Variants in PLAGL1 observed in about 807,000 individuals in gnomAD.
PLAGL1 encodes the protein PLAG1 like zinc finger 1, also known as zinc finger protein PLAGL1.
Under a neutral mutation model 4.6 loss-of-function variants are expected in PLAGL1, and 1 was observed. That is an observed-to-expected ratio of 0.22 (90% CI 0.08 to 1.03). PLAGL1 has a LOEUF of 1.03. Ranked by LOEUF, PLAGL1 falls within the 50% of genes least tolerant of loss-of-function variation. The probability of loss-of-function intolerance (pLI) is 0.58; values close to 1 mark genes in which losing one functional copy is unlikely to be tolerated. For synonymous variants in PLAGL1, 240 were observed against 237.8 expected, an observed-to-expected ratio of 1.01 and a Z score of -0.08; for missense variants, 464 against 570.4, an observed-to-expected ratio of 0.81 and a Z score of 1.90.
intron 1 of PLAGL1, among the ~76,000 whole-genome samples, chr6:144,041,888 A>G (rs931514189): frequency 1.3e-5 from 2 of 152,200 alleles, no homozygotes; most frequent in Non-Finnish European, 2.9e-5. Context: ...CTGGTGTGAG[A>G]TGGTATCTCA....
At chr6:143,974,397 C>T (rs768874) in intron 2 of PLAGL1, among the ~76,000 whole-genome samples, 7 of 147,828 alleles carry the variant, frequency 4.7e-5, no homozygotes, top group East Asian at 2.0e-4. Context: ...GGTGGGGTTG[C>T]GGGGGAGGTC....
intron 1 of PLAGL1, among the ~76,000 whole-genome samples, chr6:144,026,662 A>G (rs1416013353): frequency 6.6e-6 from 1 of 152,178 alleles, no homozygotes; most frequent in Non-Finnish European, 1.5e-5. Context: ...GACTTGTCCA[A>G]ATTTCTTTGC....
At chr6:143,956,269 C>T (rs1005053526) in intron 6 of PLAGL1, among the ~76,000 whole-genome samples, 1 of 152,146 alleles carries the variant, frequency 6.6e-6, no homozygotes, top group African/African-American at 2.4e-5. Flanking sequence ...TTCTTTATGG[C>T]AGGCTGCAGC....
chr6:144,024,458 A>G (rs1047594033), intron 1 of PLAGL1, among the ~76,000 whole-genome samples: 1 of 152,182 alleles, frequency 6.6e-6, no homozygotes, highest in African/African-American at 2.4e-5. Context: ...GTGGTAGTGA[A>G]TAAGTCTCAT....
Position 144,036,795 on chromosome 6 carries a change from G to T in PLAGL1, c.-151+27673C>A. ...AAGCAAGAAGGCAGACCTGCTAAAT[G>T]CCCATTATGACACTATTTGACTAAA... is the stretch of plus-strand genomic sequence containing the variant. On this transcript the variant is annotated intron_variant, in intron 1 of 3. Transcript: ENST00000437412. This position sits in a 1 kb window ranked among gnomAD's most constrained non-coding sequence, Gnocchi z 5.1. The T allele has an allele frequency of 2.9e-6, 1 of 339,896 alleles. No individual in the cohort carries two copies. Among genetic ancestry groups the T allele is most frequent in the Non-Finnish European group, 5.6e-6 (1 of 177,738 alleles). The allele number at this position is 339,896 out of a possible 1,614,324, so 21.1% of individuals were successfully genotyped here. A position where few individuals can be genotyped will look rare whatever the true frequency, so the allele number is the denominator to read the frequency against.
In PLAGL1 at chr6:143,954,448, A is replaced by C. The variant is rs1432831616; in HGVS notation, c.-324-5988T>G. Among the ~76,000 whole-genome samples, 1 of 152,252 alleles carries C rather than the reference A, an allele frequency of 6.6e-6. No homozygotes were observed. Among genetic ancestry groups the C allele is most frequent in the Non-Finnish European group, 1.5e-5 (1 of 68,040 alleles). Reference sequence around the variant, plus strand: ...GCAGTGCAAGACCCCAGGGGCTGGGACAGGCATTTGAGTCAAACTTGCAAG... The same window carrying C: ...GCAGTGCAAGACCCCAGGGGCTGGGCCAGGCATTTGAGTCAAACTTGCAAG... On this transcript the variant is annotated intron_variant, in intron 6 of 7. Transcript: ENST00000674357. The surrounding 1 kb of genome is among the most constrained non-coding windows in gnomAD (Gnocchi z 5.1).
Position 143,955,233 on chromosome 6 carries a change from A to G in PLAGL1, c.-325+5236T>C, listed in dbSNP as rs1256344309. 1.3e-5 allele frequency among the ~76,000 whole-genome samples: 2 copies of G among 152,208 alleles called. No individual in the cohort carries two copies. The highest frequency in any genetic ancestry group is 6.5e-5 in the Admixed American group (1 of 15,274). On this transcript the variant is annotated intron_variant, in intron 6 of 7. Coordinates refer to ENST00000674357, the MANE Select transcript of PLAGL1 (RefSeq NM_001317162.2). The surrounding 1 kb of genome is among the most constrained non-coding windows in gnomAD (Gnocchi z 4.9). Reference sequence around the variant, plus strand: ...GTTGAAGCTAGCGTAGAAGTTTACAACGTGTTCAAGAGGGAGGTGGTCTAT... The same window carrying G: ...GTTGAAGCTAGCGTAGAAGTTTACAGCGTGTTCAAGAGGGAGGTGGTCTAT...
chr6:144,018,653 T>C (rs1368168661), intron 1 of PLAGL1, among the ~76,000 whole-genome samples: 1 of 152,170 alleles, frequency 6.6e-6, no homozygotes, highest in East Asian at 1.9e-4. Flanking sequence ...TATTCATCAA[T>C]TTAAAGAAAA....
chr6:143,999,573 T>C (rs953116624), intron 1 of PLAGL1, among the ~76,000 whole-genome samples: 1 of 152,202 alleles, frequency 6.6e-6, no homozygotes, highest in Non-Finnish European at 1.5e-5. Context: ...AAGACTCAGA[T>C]ATAAATCGCT....
At chr6:144,021,440 T>C (rs1795972657) in intron 1 of PLAGL1, among the ~76,000 whole-genome samples, 1 of 152,216 alleles carries the variant, frequency 6.6e-6, no homozygotes, top group Admixed American at 6.5e-5. Context: ...GTGGCAGCTT[T>C]CCTGTTCTGC....
At chr6:144,017,488 T>G (rs1795644977) in intron 1 of PLAGL1, among the ~76,000 whole-genome samples, 1 of 152,242 alleles carries the variant, frequency 6.6e-6, no homozygotes, top group Admixed American at 6.5e-5. Flanking sequence ...CATAGAAGAC[T>G]CACAAGGTGA....
At chr6:143,992,347 A>G (rs934345191) in intron 1 of PLAGL1, among the ~76,000 whole-genome samples, 3 of 152,242 alleles carry the variant, frequency 2.0e-5, no homozygotes, top group Admixed American at 2.0e-4. Flanking sequence ...TGTGTGAAGC[A>G]TAGTCTTCTG....
chr6:144,003,776 T>C (rs1419926380), intron 1 of PLAGL1, among the ~76,000 whole-genome samples: 2 of 152,166 alleles, frequency 1.3e-5, no homozygotes, highest in Non-Finnish European at 2.9e-5. Context: ...GGGCAAAATA[T>C]TTCAATAGGC....
At chr6:144,019,926 A>T (rs1795850491) in intron 1 of PLAGL1, among the ~76,000 whole-genome samples, 1 of 152,172 alleles carries the variant, frequency 6.6e-6, no homozygotes. Context: ...AGGTATGCCT[A>T]ATATTGACCA....
chr6:144,009,754 T>C (rs1795008325), upstream of PLAGL1, among the ~76,000 whole-genome samples: 1 of 151,326 alleles, frequency 6.6e-6, no homozygotes, highest in Non-Finnish European at 1.5e-5. Flanking sequence ...CACTTATGAA[T>C]GAGAACATGC....
Position 144,005,822 on chromosome 6 carries a change from T to C in PLAGL1, c.-584+2268A>G, listed in dbSNP as rs1013601227. On this transcript the variant is annotated intron_variant, in intron 1 of 7. Coordinates refer to ENST00000674357, the MANE Select transcript of PLAGL1 (RefSeq NM_001317162.2). The surrounding 1 kb of genome is among the most constrained non-coding windows in gnomAD (Gnocchi z 4.6). ...AAAATATTAAAGTCATATGAGGCTA[T>C]TGAGCACTAAAAATGTGGCCTGAAA... 7 of 152,042 alleles carry C rather than the reference T, an allele frequency of 4.6e-5. No individual in the cohort carries two copies. Among genetic ancestry groups the C allele is most frequent in the Non-Finnish European group, 5.9e-5 (4 of 67,948 alleles). 9.4% of individuals were successfully genotyped at this position (152,042 alleles called of 1,614,324 possible). A position where few individuals can be genotyped will look rare whatever the true frequency, so the allele number is the denominator to read the frequency against.
rs1237695737 is a variant in PLAGL1 at position 144,061,110 on chromosome 6, AGT to A, written c.-151+3356_-151+3357del. Among the ~76,000 whole-genome samples the A allele has an allele frequency of 2.6e-5, 4 of 152,266 alleles. No individual in the cohort carries two copies. Among genetic ancestry groups the A allele is most frequent in the Non-Finnish European group, 5.9e-5 (4 of 68,038 alleles). On this transcript the variant is annotated intron_variant, in intron 1 of 3. Coordinates refer to the PLAGL1 transcript ENST00000437412. This position sits in a 1 kb window ranked among gnomAD's most constrained non-coding sequence, Gnocchi z 4.4. The stretch of plus-strand genomic sequence containing the variant: ...TGGAAGTGGAAAGGTACTGGGTGAC[AGT>A]GTGAGTAGAAGAGTTGTAACAGACA...
rs1448118503 is a variant in PLAGL1 at position 143,960,364 on chromosome 6, C to T, written c.-325+105G>A. ...AAATGTGTTTATTTTCCACTAGAAC[C>T]TTTTTGAAGTACCCTGAACCTCCAG... On this transcript the variant is annotated intron_variant, in intron 6 of 7. Coordinates refer to ENST00000674357, the MANE Select transcript of PLAGL1 (RefSeq NM_001317162.2). This position sits in a 1 kb window ranked among gnomAD's most constrained non-coding sequence, Gnocchi z 5.7. 1 of 152,166 alleles carries T rather than the reference C, an allele frequency of 6.6e-6. No homozygotes were observed. The highest frequency in any genetic ancestry group is 1.5e-5 in the Non-Finnish European group (1 of 68,024). 9.4% of individuals were successfully genotyped at this position (152,166 alleles called of 1,614,324 possible). A position where few individuals can be genotyped will look rare whatever the true frequency, so the allele number is the denominator to read the frequency against.
intron 1 of PLAGL1, among the ~76,000 whole-genome samples, chr6:144,057,350 G>A (rs182326742): frequency 6.6e-6 from 1 of 152,266 alleles, no homozygotes; most frequent in Admixed American, 6.5e-5. Flanking sequence ...TCCTAAACAA[G>A]TTGTTTATAA....
Sources: gnomAD v4.1 joint callset for allele counts (sites outside exome capture counted in the v4.1 genomes callset) on GRCh38, gnomAD v4.1.1 for gene constraint, Gnocchi (gnomAD v3.1) non-coding constraint, MANE v1.5 for transcripts, NCBI Gene and HGNC (gene_info 2026-07-23, HGNC 2026-07-21) for gene names.